Variants in ARHGAP26 observed in about 807,000 individuals in gnomAD.
ARHGAP26 encodes the protein Rho GTPase activating protein 26.
In ARHGAP26, 38 loss-of-function variants were observed where a neutral mutation model predicts 104.8. The ratio of observed to expected loss-of-function variants is 0.36; its 90% confidence interval spans 0.28 to 0.48. The LOEUF is 0.48. ARHGAP26 is among the 20% of genes least tolerant of loss of function. ARHGAP26 has a pLI of 0.99. For synonymous variants in ARHGAP26, 341 were observed against 340.0 expected (o/e 1.00, Z -0.03); for missense variants, 704 against 947.9 (o/e 0.74, Z 3.38).
chr5:142,780,168 A>G (rs566797587), intron 1 of ARHGAP26, among the ~76,000 whole-genome samples: 1 of 152,328 alleles, frequency 6.6e-6, no homozygotes, highest in African/African-American at 2.4e-5. Context: ...ATTATTCTAC[A>G]TTGGTACATA....
chr5:143,188,105 A>C (rs941883600), intron 20 of ARHGAP26, among the ~76,000 whole-genome samples: 2 of 152,260 alleles, frequency 1.3e-5, no homozygotes, highest in Non-Finnish European at 1.5e-5. Context: ...GTGGATAAGA[A>C]GCTTACACAT....
intron 17 of ARHGAP26, among the ~76,000 whole-genome samples, chr5:143,092,926 G>T (rs1248125721): frequency 6.6e-6 from 1 of 152,150 alleles, no homozygotes; most frequent in African/African-American, 2.4e-5. Context: ...TACCCACTGT[G>T]TCTTTTTCCC....
At chr5:143,167,206 C>T (rs1471965876) in intron 20 of ARHGAP26, among the ~76,000 whole-genome samples, 1 of 150,256 alleles carries the variant, frequency 6.7e-6, no homozygotes, top group African/African-American at 2.5e-5. Flanking sequence ...GTGGCCCATG[C>T]TTGTAATGTC....
chr5:142,876,944 G>A (rs1357851708), intron 3 of ARHGAP26, among the ~76,000 whole-genome samples: 2 of 152,046 alleles, frequency 1.3e-5, no homozygotes, highest in Non-Finnish European at 2.9e-5. Context: ...TTGGTGGTGG[G>A]TGGAAGCAAG....
At chr5:143,118,954 AAAGAAAG>A (rs1302461021) in intron 17 of ARHGAP26, among the ~76,000 whole-genome samples, 1 of 151,944 alleles carries the variant, frequency 6.6e-6, no homozygotes, top group East Asian at 1.9e-4. Context: ...AAAAAAAAAA[AAAGAAAG>A]AAGAAAGAAA....
chr5:143,076,040 C>T (rs977869418), intron 17 of ARHGAP26, among the ~76,000 whole-genome samples: 1 of 152,076 alleles, frequency 6.6e-6, no homozygotes, highest in Non-Finnish European at 1.5e-5. Flanking sequence ...CACTCTGTCA[C>T]CCAGGCTGGA....
chr5:143,047,029 A>G (rs1266668772), intron 14 of ARHGAP26, among the ~76,000 whole-genome samples: 1 of 152,228 alleles, frequency 6.6e-6, no homozygotes, highest in Non-Finnish European at 1.5e-5. Context: ...ATGTAACACT[A>G]TAGAGTGTCT....
chr5:143,024,409 C>G (rs143826002), intron 12 of ARHGAP26, among the ~76,000 whole-genome samples: 54 of 152,212 alleles, frequency 3.5e-4, no homozygotes, highest in African/African-American at 1.3e-3. Flanking sequence ...GATGTGGGCT[C>G]TGTACTGACA....
At chr5:142,811,835 G>A (rs1054537858) in intron 1 of ARHGAP26, among the ~76,000 whole-genome samples, 3 of 152,100 alleles carry the variant, frequency 2.0e-5, no homozygotes, top group Admixed American at 6.5e-5. Flanking sequence ...TCATCATTCC[G>A]TTCCTGCTCT....
At chr5:143,174,579 T>C (rs563589607) in intron 20 of ARHGAP26, among the ~76,000 whole-genome samples, 11 of 152,334 alleles carry the variant, frequency 7.2e-5, no homozygotes, top group Admixed American at 2.0e-4. Flanking sequence ...TCAACTGATA[T>C]AATAGCCATT....
chr5:143,012,165 G>T (rs890989318), intron 11 of ARHGAP26, among the ~76,000 whole-genome samples: 36 of 152,046 alleles, frequency 2.4e-4, no homozygotes, highest in African/African-American at 8.5e-4. Context: ...ACAGAAACCT[G>T]TTCTCTTTAT....
chr5:142,822,570 T>A (rs1597783049), intron 1 of ARHGAP26, among the ~76,000 whole-genome samples: 1 of 151,994 alleles, frequency 6.6e-6, no homozygotes, highest in East Asian at 1.9e-4. Context: ...GTGTACATAT[T>A]TATCAGATAC....
In ARHGAP26 at chr5:143,134,097, C is replaced by G; in HGVS notation, c.1829C>G (p.Thr610Arg). The G allele has an allele frequency of 1.2e-6, 2 of 1,609,532 alleles. No individual in the cohort carries two copies. Among genetic ancestry groups the G allele is most frequent in the Non-Finnish European group, 1.7e-6 (2 of 1,177,538 alleles). ...ACGCTCTTCCACACCGTTCAGTCAA[C>G]AGAGAAACGTGAGTCTTTGCTGCAT... ...PLTLFHTVQS[T>R]EKQEQRNSII... The change falls in exon 19 of 23, where the codon ACA becomes AGA. Residue 610 changes from threonine (T) to arginine (R), a missense_variant. Thr to Arg is a moderately conservative substitution (Grantham distance 71). This residue lies in a region of ARHGAP26 where 217 missense variants were observed against 242.6 expected (regional missense o/e 0.89). Transcript: ENST00000645722.
chr5:142,855,414 C>T (rs79352592), intron 1 of ARHGAP26, among the ~76,000 whole-genome samples: 1,669 of 152,216 alleles, frequency 0.011, 18 homozygotes, highest in East Asian at 0.061. Context: ...AGGAGGCTCT[C>T]GTATCTTTTG....
intron 17 of ARHGAP26, among the ~76,000 whole-genome samples, chr5:143,088,333 T>C (rs1384605321): frequency 6.6e-6 from 1 of 152,212 alleles, no homozygotes; most frequent in Non-Finnish European, 1.5e-5. Context: ...TAGTGGGACA[T>C]ATACGGTTGT....
At chr5:143,023,220 C>T (rs779305099) in intron 12 of ARHGAP26, among the ~76,000 whole-genome samples, 2 of 152,196 alleles carry the variant, frequency 1.3e-5, no homozygotes, top group African/African-American at 2.4e-5. Flanking sequence ...TCCCTGATGG[C>T]GTTTTATTCA....
intron 11 of ARHGAP26, among the ~76,000 whole-genome samples, chr5:142,972,018 CT>C (rs1772349462): frequency 6.6e-6 from 1 of 152,066 alleles, no homozygotes; most frequent in Non-Finnish European, 1.5e-5. Context: ...TCCTTCTCTA[CT>C]AAAAATACAA....
intron 11 of ARHGAP26, among the ~76,000 whole-genome samples, chr5:142,972,753 A>G (rs1454051475): frequency 2.0e-5 from 3 of 151,946 alleles, no homozygotes; most frequent in Admixed American, 2.0e-4. Context: ...TACTCATCCT[A>G]TATATTTGCT....
At chr5:143,191,290 G>C (rs1043255989) in intron 20 of ARHGAP26, among the ~76,000 whole-genome samples, 5 of 152,202 alleles carry the variant, frequency 3.3e-5, no homozygotes, top group African/African-American at 9.7e-5. Context: ...GTAGACAAAT[G>C]ATACCAAAAT....
Sources: allele counts gnomAD v4.1 joint callset (sites outside exome capture counted in the v4.1 genomes callset), GRCh38; gene constraint gnomAD v4.1.1; regional missense constraint gnomAD v4.1.1; transcripts MANE v1.5; gene names NCBI Gene and HGNC (gene_info 2026-07-23, HGNC 2026-07-21).